The following GALNT10 variants were observed in gnomAD, a reference collection of about 807,000 sequenced individuals.
The protein encoded by GALNT10 is polypeptide N-acetylgalactosaminyltransferase 10.
GALNT10 carries 41 observed loss-of-function variants against 75.0 expected under a neutral mutation model. The ratio of observed to expected loss-of-function variants is 0.55; its 90% CI spans 0.43 to 0.71. The LOEUF (loss-of-function observed/expected upper bound fraction) is 0.71. Ranked by LOEUF, GALNT10 falls within the 30% of genes least tolerant of loss-of-function variation. GALNT10 has a pLI of 0.00. For missense variants in GALNT10, 727 were observed against 818.5 expected (o/e 0.89, Z 1.36); for synonymous variants, 302 against 313.0 (o/e 0.96, Z 0.37).
chr5:154,194,220 T>C (rs958306322), intron 1 of GALNT10, among the ~76,000 whole-genome samples: 1 of 152,240 alleles, frequency 6.6e-6, no homozygotes, highest in African/African-American at 2.4e-5. Flanking sequence ...TACCGGTGAC[T>C]TTAATTTTCA....
chr5:154,262,389 G>C (rs1285289701), intron 1 of GALNT10, among the ~76,000 whole-genome samples: 2 of 152,162 alleles, frequency 1.3e-5, no homozygotes, highest in Non-Finnish European at 1.5e-5. Context: ...AGTCTGAAAT[G>C]TGATATATGT....
intron 1 of GALNT10, among the ~76,000 whole-genome samples, chr5:154,287,889 G>GCT (rs1264342313): frequency 3.0e-5 from 3 of 100,388 alleles, no homozygotes; most frequent in Non-Finnish European, 4.2e-5. Flanking sequence ...AAATTGCTTT[G>GCT]CTGTGTGTGT....
chr5:154,394,212 T>C (rs1379204027), intron 7 of GALNT10, among the ~76,000 whole-genome samples: 1 of 151,874 alleles, frequency 6.6e-6, no homozygotes, highest in Non-Finnish European at 1.5e-5. Context: ...GAAAACCCAT[T>C]CTCTGGGTAG....
Position 154,405,275 on chromosome 5 carries a change from G to A in GALNT10, c.1164+1064G>A, listed in dbSNP as rs568500093. On this transcript the variant is annotated intron_variant, in intron 8 of 11. Transcript: ENST00000297107. ...TGTCCTGTGACTTACAAGGAAAGCCGAGAGGCTCAAAGAGGCCGCGCGTCT... is the reference window on the plus strand; with the variant it reads ...TGTCCTGTGACTTACAAGGAAAGCCAAGAGGCTCAAAGAGGCCGCGCGTCT... 7.2e-5 allele frequency among the ~76,000 whole-genome samples: 11 copies of A among 152,276 alleles called. No individual in the cohort carries two copies. In the East Asian group the frequency reaches 2.1e-3, roughly 29 times the overall value.
At chr5:154,233,585 G>T (rs1454630298) in intron 1 of GALNT10, among the ~76,000 whole-genome samples, 1 of 152,114 alleles carries the variant, frequency 6.6e-6, no homozygotes. Flanking sequence ...ACAGGTTAGT[G>T]GTGGCACTGG....
intron 1 of GALNT10, among the ~76,000 whole-genome samples, chr5:154,224,769 A>T (rs1036024145): frequency 5.4e-5 from 8 of 148,642 alleles, no homozygotes; most frequent in African/African-American, 1.7e-4. Context: ...GTCTACAAGA[A>T]GCTCACTTCT....
rs1263784290 is a variant in GALNT10, at chr5:154,239,261, G to A, written c.159+48236G>A. Among the ~76,000 whole-genome samples, 4 of 152,108 alleles carry A rather than the reference G, an allele frequency of 2.6e-5. No homozygotes were observed. The South Asian group carries it at 6.2e-4, about 24-fold the overall frequency. On this transcript the variant is annotated intron_variant, in intron 1 of 11. Coordinates refer to ENST00000297107, the MANE Select transcript of GALNT10 (RefSeq NM_198321.4). ...TGCTGCCACTGAAGGAGGTTCTCTC[G>A]CCTCCCTTCTGCCTACCTGTCCTTC...
At chr5:154,334,981 A>T (rs1415969960) in intron 4 of GALNT10, among the ~76,000 whole-genome samples, 1 of 152,146 alleles carries the variant, frequency 6.6e-6, no homozygotes, top group African/African-American at 2.4e-5. Context: ...ATTTTGCCCC[A>T]TCCCTCTTTG....
chr5:154,238,165 G>C (rs1032677028), intron 1 of GALNT10, among the ~76,000 whole-genome samples: 79 of 152,142 alleles, frequency 5.2e-4, no homozygotes, highest in African/African-American at 1.9e-3. Context: ...CCCAAGGAAA[G>C]TGCAGTGAGA....
chr5:154,332,983 G>T (rs983834825), intron 4 of GALNT10, among the ~76,000 whole-genome samples: 3 of 152,194 alleles, frequency 2.0e-5, no homozygotes, highest in African/African-American at 2.4e-5. Context: ...AGTTAGAAAA[G>T]AATTTCAAGA....
chr5:154,196,656 C>G (rs1269030324), intron 1 of GALNT10, among the ~76,000 whole-genome samples: 2 of 152,178 alleles, frequency 1.3e-5, no homozygotes, highest in East Asian at 1.9e-4. Flanking sequence ...GGTCTGTCTC[C>G]TCTGGTAGCT....
At chr5:154,285,196 C>T (rs905828173) in intron 1 of GALNT10, among the ~76,000 whole-genome samples, 2 of 152,132 alleles carry the variant, frequency 1.3e-5, no homozygotes, top group Non-Finnish European at 2.9e-5. Context: ...GCTCACACTT[C>T]CAGGGGCCAG....
intron 8 of GALNT10, among the ~76,000 whole-genome samples, chr5:154,405,852 T>TTTG (rs766497502): frequency 2.8e-5 from 4 of 142,464 alleles, no homozygotes; most frequent in South Asian, 2.3e-4. Context: ...TCAAAGAAAG[T>TTTG]TTGTTGTTGT....
intron 4 of GALNT10, among the ~76,000 whole-genome samples, chr5:154,351,592 C>G (rs575872025): frequency 1.3e-5 from 2 of 152,314 alleles, no homozygotes; most frequent in Admixed American, 1.3e-4. Context: ...GTGCACACAC[C>G]TTGTTCCTGG....
chr5:154,279,026 G>C (rs893397661), intron 1 of GALNT10, among the ~76,000 whole-genome samples: 2 of 152,110 alleles, frequency 1.3e-5, no homozygotes, highest in Non-Finnish European at 2.9e-5. Flanking sequence ...AGGAATGTCT[G>C]TTTGAGTCCC....
intron 4 of GALNT10, among the ~76,000 whole-genome samples, chr5:154,356,719 G>T (rs1443357428): frequency 6.6e-6 from 1 of 152,182 alleles, no homozygotes; most frequent in East Asian, 1.9e-4. Flanking sequence ...GGTGTACAGG[G>T]TGCAAACCAG....
intron 4 of GALNT10, among the ~76,000 whole-genome samples, chr5:154,330,355 T>C (rs1754836955): frequency 6.6e-6 from 1 of 152,250 alleles, no homozygotes; most frequent in African/African-American, 2.4e-5. Context: ...GTGGCCTCTT[T>C]GGTGAGTTAG....
intron 4 of GALNT10, among the ~76,000 whole-genome samples, chr5:154,355,154 G>A (rs1414577101): frequency 6.6e-6 from 1 of 152,158 alleles, no homozygotes; most frequent in Non-Finnish European, 1.5e-5. Flanking sequence ...GCAGGACAGG[G>A]CTCAGTATCT....
In GALNT10 at chr5:154,192,842, G is replaced by A. The variant is rs144967513; in HGVS notation, c.159+1817G>A. ...CTGCCTCTGCTTGGAGAAAGACCTC[G>A]TATTTCATTTGCAATAGATGCCAAA... On this transcript the variant is annotated intron_variant, in intron 1 of 11. Coordinates refer to ENST00000297107, the MANE Select transcript of GALNT10 (RefSeq NM_198321.4). 1.2e-4 allele frequency among the ~76,000 whole-genome samples: 18 copies of A among 152,114 alleles called. No individual in the cohort carries two copies. The East Asian group carries it at 1.9e-3, about 16-fold the overall frequency.
Sources: allele counts gnomAD v4.1 joint callset (sites outside exome capture counted in the v4.1 genomes callset), GRCh38; gene constraint gnomAD v4.1.1; transcripts MANE v1.5; gene names NCBI Gene and HGNC (gene_info 2026-07-23, HGNC 2026-07-21).